PTPRO: variants seen among roughly 807,000 people sequenced by gnomAD.
PTPRO encodes the protein receptor-type tyrosine-protein phosphatase O.
In PTPRO, 62 loss-of-function variants were observed where a neutral mutation model predicts 145.2. The ratio of observed to expected loss-of-function variants is 0.43; its 90% CI spans 0.35 to 0.53. The LOEUF (loss-of-function observed/expected upper bound fraction) is 0.53. Ranked by LOEUF, PTPRO falls within the 20% of genes least tolerant of loss-of-function variation. The pLI is 0.01. For missense variants in PTPRO, 1,345 were observed against 1,482.7 expected (o/e 0.91, Z 1.53); for synonymous variants, 565 against 514.7 (o/e 1.10, Z -1.32).
Position 15,516,749 on chromosome 12 carries a change from C to T in PTPRO, c.1586-14C>T. The stretch of plus-strand genomic sequence containing the variant: ...TTAACTTTCTTTTTCTACCCCCTGC[C>T]CTCTTCTTTCTAGTTCCCACAGGAA... On this transcript the variant is annotated splice_polypyrimidine_tract_variant and intron_variant, in intron 8 of 26. Transcript: ENST00000281171. 1 of 1,587,580 alleles carries T rather than the reference C, an allele frequency of 6.3e-7. No homozygotes were observed. The highest frequency in any genetic ancestry group is 8.7e-7 in the Non-Finnish European group (1 of 1,156,042).
intron 16 of PTPRO, among the ~76,000 whole-genome samples, chr12:15,558,669 T>C (rs1195942069): frequency 6.6e-6 from 1 of 152,256 alleles, no homozygotes; most frequent in Non-Finnish European, 1.5e-5. Flanking sequence ...TTCAGTTATT[T>C]CTTTCTGTTT....
At chr12:15,546,456 G>C in intron 12 of PTPRO, 113 bp from the exon 13 acceptor site, 1 of 1,523,038 alleles carries the variant, frequency 6.6e-7, no homozygotes, top group Non-Finnish European at 8.8e-7. Context: ...AGTCTTTATG[G>C]TGCTCTTACC....
At chr12:15,560,645 G>A (rs375800158) in intron 17 of PTPRO, among the ~76,000 whole-genome samples, 1 of 152,104 alleles carries the variant, frequency 6.6e-6, no homozygotes, top group African/African-American at 2.4e-5. Flanking sequence ...TTAAGATGGA[G>A]AAATCAGAGT....
At position 15,556,508 on chromosome 12, in the gene PTPRO, GA is replaced by G. The variant is rs75654902; in HGVS notation, c.2559-933del. Among the ~76,000 whole-genome samples, 1,046 of 135,508 alleles carry G rather than the reference GA, an allele frequency of 7.7e-3. 4 individuals carry two copies. Among genetic ancestry groups the G allele is most frequent in the Admixed American group, 0.01 (141 of 13,492 alleles). The allele number at this position is 135,508 out of a possible 152,430, so 88.9% of individuals were successfully genotyped here. Reference sequence around the variant, plus strand: ...TATGTTTACTTTTTCTCTACTTCTGGAAAAAAAAAAAAAACTTCAACAGTGT... The same window carrying G: ...TATGTTTACTTTTTCTCTACTTCTGGAAAAAAAAAAAAACTTCAACAGTGT... On this transcript the variant is annotated intron_variant, in intron 15 of 26. Coordinates refer to ENST00000281171, the MANE Select transcript of PTPRO (RefSeq NM_030667.3).
rs1344897716 is a variant in PTPRO at position 15,460,987 on chromosome 12, A to G, written c.76-22987A>G. ...TTCCTCTTCATCCAGGGCACTCTTA[A>G]ATTTTAACTTGAGACACCAGTTCTT... On this transcript the variant is annotated intron_variant, in intron 1 of 26. Coordinates refer to ENST00000281171, the MANE Select transcript of PTPRO (RefSeq NM_030667.3). Among the ~76,000 whole-genome samples, 5 of 152,144 alleles carry G rather than the reference A, an allele frequency of 3.3e-5. No individual in the cohort carries two copies. In the South Asian group the frequency reaches 8.3e-4, roughly 25 times the overall value.
chr12:15,322,888 GC>G lies in PTPRO; in HGVS notation c.75+91del. 1 of 1,387,802 alleles carries G rather than the reference GC, an allele frequency of 7.2e-7. No homozygotes were observed. The highest frequency in any genetic ancestry group is 9.9e-7 in the Non-Finnish European group (1 of 1,005,456). 86.0% of individuals were successfully genotyped at this position (1,387,802 alleles called of 1,614,324 possible). A position where few individuals can be genotyped will look rare whatever the true frequency, so the allele number is the denominator to read the frequency against. ...CTCGCTCTGCCGTTGGGAGCGGCGC[GC>G]CCCAGGGCACGATGGCCCAGCCGCG... On this transcript the variant is annotated intron_variant, in intron 1 of 26. Coordinates refer to ENST00000281171, the MANE Select transcript of PTPRO (RefSeq NM_030667.3). The surrounding 1 kb of genome is among the most constrained non-coding windows in gnomAD (Gnocchi z 6.3).
chr12:15,354,120 T>C (rs986628005), intron 1 of PTPRO, among the ~76,000 whole-genome samples: 2 of 152,142 alleles, frequency 1.3e-5, no homozygotes, highest in African/African-American at 4.8e-5. Flanking sequence ...AAATTTTTTT[T>C]TAAAAAAGGG....
At chr12:15,549,016 C>G in intron 13 of PTPRO, 78 bp from the exon 14 acceptor site, 1 of 1,442,860 alleles carries the variant, frequency 6.9e-7, no homozygotes, top group Non-Finnish European at 9.7e-7. Flanking sequence ...AATCTATTAC[C>G]AACTCAACTA....
chr12:15,476,610 T>G (rs2136426129), intron 1 of PTPRO, among the ~76,000 whole-genome samples: 1 of 151,716 alleles, frequency 6.6e-6, no homozygotes, highest in South Asian at 2.1e-4. Context: ...TTGCCATTGC[T>G]TTTGGTGTTT....
chr12:15,473,025 C>G (rs1169974694), intron 1 of PTPRO, among the ~76,000 whole-genome samples: 3 of 152,216 alleles, frequency 2.0e-5, no homozygotes, highest in African/African-American at 7.2e-5. Context: ...TTCCCCTAGA[C>G]TGCTTCAAGG....
intron 4 of PTPRO, among the ~76,000 whole-genome samples, chr12:15,500,158 A>T (rs1322342690): frequency 6.6e-6 from 1 of 152,080 alleles, no homozygotes; most frequent in Non-Finnish European, 1.5e-5. Flanking sequence ...ATATCTACTA[A>T]GTACCCATCA....
intron 1 of PTPRO, among the ~76,000 whole-genome samples, chr12:15,397,944 A>G (rs931389488): frequency 6.6e-6 from 1 of 152,180 alleles, no homozygotes; most frequent in Non-Finnish European, 1.5e-5. Flanking sequence ...CCCATCTACA[A>G]ACCACCCCAG....
At chr12:15,579,944 A>T in intron 20 of PTPRO, 95 bp from the exon 21 acceptor site, 1 of 936,920 alleles carries the variant, frequency 1.1e-6, no homozygotes, top group Non-Finnish European at 1.7e-6. Flanking sequence ...CTACTCTGTC[A>T]CTGACTGATT....
intron 12 of PTPRO, among the ~76,000 whole-genome samples, chr12:15,536,822 C>A (rs988254713): frequency 6.6e-6 from 1 of 152,082 alleles, no homozygotes; most frequent in Non-Finnish European, 1.5e-5. Context: ...AAAGTGTTCC[C>A]GTGTGGACAT....
intron 1 of PTPRO, among the ~76,000 whole-genome samples, chr12:15,392,030 C>T (rs1173075775): frequency 6.6e-6 from 1 of 152,150 alleles, no homozygotes; most frequent in Non-Finnish European, 1.5e-5. Context: ...CCTCTAGTAA[C>T]CATTCAATTA....
At chr12:15,554,472 T>A (rs1174358547) in intron 15 of PTPRO, among the ~76,000 whole-genome samples, 2 of 151,974 alleles carry the variant, frequency 1.3e-5, no homozygotes, top group African/African-American at 4.8e-5. Flanking sequence ...TATGGGAGTT[T>A]ATTAAGTATT....
chr12:15,563,202 C>G (rs1414722585), intron 17 of PTPRO, among the ~76,000 whole-genome samples: 1 of 152,078 alleles, frequency 6.6e-6, no homozygotes, highest in African/African-American at 2.4e-5. Flanking sequence ...GCACAATCCT[C>G]TATGCATATA....
chr12:15,440,571 C>T (rs572171457), intron 1 of PTPRO, among the ~76,000 whole-genome samples: 7 of 152,170 alleles, frequency 4.6e-5, no homozygotes, highest in South Asian at 2.1e-4. Context: ...ATAAAAGCAG[C>T]GGTCACAGCC....
chr12:15,433,900 G>A (rs971647043), intron 1 of PTPRO, among the ~76,000 whole-genome samples: 26 of 152,104 alleles, frequency 1.7e-4, no homozygotes, highest in African/African-American at 3.1e-4. Flanking sequence ...GAAAAATGCC[G>A]TTGGTAGTTA....
Sources: allele counts gnomAD v4.1 joint callset (sites outside exome capture counted in the v4.1 genomes callset), GRCh38; gene constraint gnomAD v4.1.1; non-coding constraint Gnocchi (gnomAD v3.1); transcripts MANE v1.5; gene names NCBI Gene and HGNC (gene_info 2026-07-23, HGNC 2026-07-21).